PCDH15: variants seen among roughly 807,000 people sequenced by gnomAD.
PCDH15 encodes the protein protocadherin-15.
In PCDH15, 129 loss-of-function variants were observed where a neutral mutation model predicts 178.5. The observed-to-expected ratio is 0.72, with a 90% CI of 0.63 to 0.84. PCDH15 has a LOEUF of 0.84. Among genes scored for constraint, PCDH15 ranks in the 40% least tolerant of loss-of-function variants. The probability of loss-of-function intolerance (pLI) is 0.00; values close to 1 mark genes in which losing one functional copy is unlikely to be tolerated. For missense variants in PCDH15, 2,230 were observed against 2,099.9 expected (o/e 1.06, Z -1.21); for synonymous variants, 800 against 732.0 (o/e 1.09, Z -1.50).
intron 2 of PCDH15, among the ~76,000 whole-genome samples, chr10:55,581,415 A>G (rs778785886): frequency 2.0e-5 from 3 of 151,884 alleles, no homozygotes; most frequent in Admixed American, 1.3e-4. Flanking sequence ...TTAATTTTCA[A>G]TCTAAATAGA....
chr10:53,845,393 G>T (rs2077906326), intron 28 of PCDH15, among the ~76,000 whole-genome samples: 2 of 151,608 alleles, frequency 1.3e-5, no homozygotes, highest in African/African-American at 4.8e-5. Flanking sequence ...CCAAAAGAAA[G>T]AAAATCAATA....
At chr10:54,986,641 G>A (rs1564691299) in intron 2 of PCDH15, among the ~76,000 whole-genome samples, 1 of 152,104 alleles carries the variant, frequency 6.6e-6, no homozygotes, top group Non-Finnish European at 1.5e-5. Flanking sequence ...TTTCAACAAA[G>A]CCACATGGAT....
chr10:54,072,349 G>A (rs2094260590), intron 17 of PCDH15, among the ~76,000 whole-genome samples: 1 of 152,134 alleles, frequency 6.6e-6, no homozygotes, highest in Non-Finnish European at 1.5e-5. Context: ...ACAGTTCAGA[G>A]CCAAGCCAAC....
At chr10:55,211,566 C>T (rs749449728) in intron 1 of PCDH15, among the ~76,000 whole-genome samples, 13 of 152,142 alleles carry the variant, frequency 8.5e-5, no homozygotes, top group Non-Finnish European at 1.8e-4. Context: ...TCTCTCTACC[C>T]AAATATTGCT....
intron 7 of PCDH15, among the ~76,000 whole-genome samples, chr10:54,327,811 G>C (rs1938492723): frequency 6.6e-6 from 1 of 152,012 alleles, no homozygotes; most frequent in Admixed American, 6.6e-5. Flanking sequence ...GAGTATAGCT[G>C]CTTTAAAAAA....
intron 14 of PCDH15, among the ~76,000 whole-genome samples, chr10:54,144,661 G>T (rs1264100912): frequency 1.3e-5 from 2 of 152,204 alleles, no homozygotes; most frequent in East Asian, 1.9e-4. Context: ...GCCTATAATT[G>T]CTGTGTCAGT....
chr10:55,196,360 C>T (rs1428932841), intron 1 of PCDH15, among the ~76,000 whole-genome samples: 1 of 152,078 alleles, frequency 6.6e-6, no homozygotes, highest in African/African-American at 2.4e-5. Context: ...CACCACTTAC[C>T]TTTCAATGGC....
At chr10:54,324,127 T>A (rs2061786205) in intron 7 of PCDH15, among the ~76,000 whole-genome samples, 1 of 152,096 alleles carries the variant, frequency 6.6e-6, no homozygotes, top group African/African-American at 2.4e-5. Context: ...CAATTAACAC[T>A]AATTCCACAC....
chr10:54,546,802 C>T (rs1274288092), intron 2 of PCDH15, among the ~76,000 whole-genome samples: 3 of 152,116 alleles, frequency 2.0e-5, no homozygotes, highest in Non-Finnish European at 4.4e-5. Context: ...ACATGAAGAG[C>T]AACAGTTATT....
chr10:55,074,498 G>T (rs1270495108), intron 2 of PCDH15, among the ~76,000 whole-genome samples: 1 of 152,112 alleles, frequency 6.6e-6, no homozygotes, highest in African/African-American at 2.4e-5. Flanking sequence ...TTTGTTGGCT[G>T]CATAAATGTC....
chr10:54,353,643 A>G (rs12767321), intron 5 of PCDH15, among the ~76,000 whole-genome samples: 8,166 of 150,256 alleles, frequency 0.054, 251 homozygotes, highest in Admixed American at 0.099. Context: ...TCTTTTGCTC[A>G]ACTTAATGTT....
At chr10:54,290,700 G>A (rs185153017) in intron 8 of PCDH15, among the ~76,000 whole-genome samples, 1 of 152,190 alleles carries the variant, frequency 6.6e-6, no homozygotes, top group Non-Finnish European at 1.5e-5. Context: ...GATGGAGGAA[G>A]ATCTACCAAA....
chr10:54,290,225 A>T (rs1185527632), intron 8 of PCDH15, among the ~76,000 whole-genome samples: 1 of 152,206 alleles, frequency 6.6e-6, no homozygotes, highest in African/African-American at 2.4e-5. Flanking sequence ...GCCAGAACAG[A>T]TTGGGGGCCA....
chr10:54,274,830 T>C (rs1392877548), intron 8 of PCDH15, among the ~76,000 whole-genome samples: 1 of 152,000 alleles, frequency 6.6e-6, no homozygotes, highest in African/African-American at 2.4e-5. Context: ...TAAAGATTCT[T>C]AGCAAATAAA....
rs866596784 is a variant in PCDH15 at position 55,069,726 on chromosome 10, C to T, written c.-80+96850G>A. Among the ~76,000 whole-genome samples, 1,391 of 141,956 alleles carry T rather than the reference C, an allele frequency of 9.8e-3. 17 individuals carry two copies. Among genetic ancestry groups the T allele is most frequent in the African/African-American group, 0.035 (1,323 of 38,044 alleles). 93.1% of individuals were successfully genotyped at this position (141,956 alleles called of 152,430 possible). On this transcript the variant is annotated intron_variant, in intron 2 of 5. Coordinates refer to the PCDH15 transcript ENST00000458638. ...AAGTCTTTGCTATTGTGAATAGTGC[C>T]GCAATAAACATATGTGTGCATGTGT...
intron 9 of PCDH15, among the ~76,000 whole-genome samples, chr10:54,229,524 G>A (rs2053831978): frequency 6.6e-6 from 1 of 152,072 alleles, no homozygotes; most frequent in African/African-American, 2.4e-5. Context: ...CACAGTTTCT[G>A]AATCTCATGG....
At chr10:55,477,165 T>C (rs578150759) in intron 2 of PCDH15, among the ~76,000 whole-genome samples, 18 of 152,064 alleles carry the variant, frequency 1.2e-4, no homozygotes, top group Admixed American at 1.2e-3. Flanking sequence ...AACATAAGAA[T>C]ATAATCATCA....
At chr10:54,173,393 A>G (rs2047103314) in intron 13 of PCDH15, among the ~76,000 whole-genome samples, 1 of 152,132 alleles carries the variant, frequency 6.6e-6, no homozygotes, top group Admixed American at 6.5e-5. Context: ...CTTTAACAGC[A>G]TATATGATTG....
chr10:54,875,169 C>T (rs760538279), intron 3 of PCDH15, among the ~76,000 whole-genome samples: 5 of 152,150 alleles, frequency 3.3e-5, no homozygotes, highest in Non-Finnish European at 5.9e-5. Flanking sequence ...ATATTTCAAA[C>T]TTTGATCATT....
Sources: allele counts gnomAD v4.1 joint callset (sites outside exome capture counted in the v4.1 genomes callset), GRCh38; gene constraint gnomAD v4.1.1; transcripts MANE v1.5; gene names NCBI Gene and HGNC (gene_info 2026-07-23, HGNC 2026-07-21).